POLD1: variants seen among roughly 807,000 people sequenced by gnomAD.
POLD1 encodes the protein DNA polymerase delta catalytic subunit.
In POLD1, 79 loss-of-function variants were observed where a neutral mutation model predicts 129.7. The ratio of observed to expected loss-of-function variants is 0.61; its 90% CI spans 0.51 to 0.73. The LOEUF is 0.73. Ranked by LOEUF, POLD1 falls within the 30% of genes least tolerant of loss-of-function variation. The pLI is 0.00. For synonymous variants in POLD1, 714 were observed against 683.3 expected (o/e 1.04, Z -0.70); for missense variants, 1,338 against 1,595.8 (o/e 0.84, Z 2.75).
In POLD1 at chr19:50,414,729, C is replaced by T. The variant is rs908646705; in HGVS notation, c.2389-86C>T. 1.1e-5 allele frequency: 13 copies of T among 1,145,432 alleles called. No homozygotes were observed. In the African/African-American group the frequency reaches 2.1e-4, roughly 18 times the overall value. 71.0% of individuals were successfully genotyped at this position (1,145,432 alleles called of 1,614,324 possible). ...ATGTCCTCAAACTGCGTCTGGGACC[C>T]TGTCTACCTTCAGTTTCTGGGGGGC... On this transcript the variant is annotated intron_variant, in intron 19 of 26. Coordinates refer to ENST00000440232, the MANE Select transcript of POLD1 (RefSeq NM_002691.4).
chr19:50,385,746 C>T (rs1372751455), intron 1 of POLD1, among the ~76,000 whole-genome samples: 1 of 151,972 alleles, frequency 6.6e-6, no homozygotes, highest in African/African-American at 2.4e-5. Context: ...CCAGGCTGGT[C>T]TCGAACTCCT....
In POLD1 at chr19:50,406,407, G is replaced by A. The variant is rs759504885; in HGVS notation, c.1384G>A (p.Val462Met). ...VGRVQMDMLQVLLREYKLRSY... is the reference protein window; with the variant it reads ...VGRVQMDMLQMLLREYKLRSY... Reference sequence around the variant, plus strand: ...CCCACCAGCCCACCCACCCACCTAGGTGCTGCTGCGGGAGTACAAGCTCCG... The same window carrying A: ...CCCACCAGCCCACCCACCCACCTAGATGCTGCTGCGGGAGTACAAGCTCCG... Residue 462 changes from valine to methionine, a missense_variant and splice_region_variant, in exon 12 of 27, where the codon GTG becomes ATG. By Grantham distance (21) the Val-to-Met change is conservative. Coordinates refer to ENST00000440232, the MANE Select transcript of POLD1 (RefSeq NM_002691.4). This position sits in a 1 kb window ranked among gnomAD's most constrained non-coding sequence, Gnocchi z 5.5. The A allele has an allele frequency of 1.9e-6, 3 of 1,604,510 alleles. No homozygotes were observed. The highest frequency in any genetic ancestry group is 1.7e-6 in the Non-Finnish European group (2 of 1,175,354).
At chr19:50,401,391 A>ATATATATATTTTTTT (rs1334231607) in intron 3 of POLD1, among the ~76,000 whole-genome samples, 2 of 65,990 alleles carry the variant, frequency 3.0e-5, no homozygotes, top group African/African-American at 6.9e-5. Flanking sequence ...ATATATATAT[A>ATATATATATTTTTTT]TTTTTTTTTT....
At chr19:50,385,153 A>G (rs2037927030) in intron 1 of POLD1, among the ~76,000 whole-genome samples, 1 of 152,112 alleles carries the variant, frequency 6.6e-6, no homozygotes, top group African/African-American at 2.4e-5. Context: ...TGTTTTGAAA[A>G]ACTCACCACT....
intron 14 of POLD1, chr19:50,408,571 T>G: frequency 1.5e-6 from 1 of 679,686 alleles, no homozygotes; most frequent in Non-Finnish European, 2.4e-6. Flanking sequence ...TTTGTAGAGA[T>G]AGGGTTTTGC....
In POLD1 at chr19:50,409,088, T is replaced by G. The variant is rs1601226176; in HGVS notation, c.1893-34T>G. ...GCAGAGGTGGGCTGGAGCAGGAGGG[T>G]GGCCGGCAGTCACCCCAACATCTTC... is the stretch of plus-strand genomic sequence containing the variant. On this transcript the variant is annotated intron_variant, in intron 15 of 26. Transcript: ENST00000440232. The surrounding 1 kb of genome is among the most constrained non-coding windows in gnomAD (Gnocchi z 5.8). The G allele has an allele frequency of 6.7e-7, 1 of 1,497,630 alleles. No individual in the cohort carries two copies. The highest frequency in any genetic ancestry group is 1.4e-5 in the African/African-American group (1 of 72,688). The allele number at this position is 1,497,630 out of a possible 1,614,324, so 92.8% of individuals were successfully genotyped here.
At chr19:50,415,031 C>T in intron 20 of POLD1, 41 bp downstream of exon 20, 1 of 1,456,548 alleles carries the variant, frequency 6.9e-7, no homozygotes, top group Non-Finnish European at 9.1e-7. Context: ...GGGCTGGGCC[C>T]CAAACCCCTC....
chr19:50,395,062 C>T (rs2038300794), intron 1 of POLD1: 1 of 148,474 alleles, frequency 6.7e-6, no homozygotes, highest in South Asian at 2.1e-4. Flanking sequence ...AGGCTGGTCT[C>T]AAACAACTGA....
intron 10 of POLD1, among the ~76,000 whole-genome samples, chr19:50,403,929 G>T (rs2038767063): frequency 6.6e-6 from 1 of 152,154 alleles, no homozygotes; most frequent in African/African-American, 2.4e-5. Context: ...ATAAGGAAAA[G>T]AATCATAATG....
intron 1 of POLD1, 129 bp from the exon 2 acceptor site, chr19:50,398,722 G>A: frequency 2.8e-6 from 4 of 1,432,486 alleles, no homozygotes; most frequent in Non-Finnish European, 2.8e-6. Context: ...GGTGCAGAGA[G>A]CTATGTTAGT....
intron 1 of POLD1, among the ~76,000 whole-genome samples, chr19:50,392,132 G>A (rs909722878): frequency 2.0e-5 from 3 of 152,126 alleles, no homozygotes; most frequent in Non-Finnish European, 4.4e-5. Context: ...TTGCAGTGGT[G>A]CAGTCATGGC....
chr19:50,408,984 C>A, intron 15 of POLD1, 83 bp downstream of exon 15: 1 of 1,436,540 alleles, frequency 7.0e-7, no homozygotes, highest in Non-Finnish European at 9.7e-7. Flanking sequence ...GGGGCATAGG[C>A]ACAGGCCCAG....
intron 1 of POLD1, among the ~76,000 whole-genome samples, chr19:50,390,201 G>T (rs888746259): frequency 1.3e-5 from 2 of 151,458 alleles, no homozygotes; most frequent in African/African-American, 4.9e-5. Context: ...GAGCCACTGC[G>T]CCTGGCCAAT....
At chr19:50,396,486 T>C (rs1320980162) in intron 1 of POLD1, among the ~76,000 whole-genome samples, 2 of 149,408 alleles carry the variant, frequency 1.3e-5, no homozygotes, top group African/African-American at 2.5e-5. Context: ...AATATATATA[T>C]ATATTTTTTG....
At chr19:50,404,520 C>T (rs1033525751) in intron 10 of POLD1, among the ~76,000 whole-genome samples, 1 of 149,332 alleles carries the variant, frequency 6.7e-6, no homozygotes, top group Admixed American at 6.6e-5. Flanking sequence ...CCTCGGCCTC[C>T]CAAAGTGTTG....
At chr19:50,397,025 G>A (rs1046046494) in intron 1 of POLD1, among the ~76,000 whole-genome samples, 2 of 148,152 alleles carry the variant, frequency 1.3e-5, no homozygotes, top group Non-Finnish European at 3.0e-5. Context: ...AATCTGGGAG[G>A]CGGAGGTTGC....
intron 10 of POLD1, among the ~76,000 whole-genome samples, chr19:50,404,576 T>TTC (rs1568624468): frequency 9.0e-6 from 1 of 111,616 alleles, no homozygotes; most frequent in African/African-American, 4.4e-5. Flanking sequence ...TTCTCTTTCT[T>TTC]TTTTTTTTTT....
chr19:50,397,973 C>A (rs1423197693), intron 1 of POLD1, among the ~76,000 whole-genome samples: 1 of 152,072 alleles, frequency 6.6e-6, no homozygotes, highest in Non-Finnish European at 1.5e-5. Context: ...TACGTGCTAA[C>A]ATGTGGAGGG....
intron 10 of POLD1, among the ~76,000 whole-genome samples, chr19:50,404,259 C>A (rs1306080012): frequency 6.6e-6 from 1 of 151,302 alleles, no homozygotes; most frequent in African/African-American, 2.5e-5. Context: ...TTCCACATGT[C>A]CTCCCTTTTT....
Sources: gnomAD v4.1 joint callset for allele counts (sites outside exome capture counted in the v4.1 genomes callset) on GRCh38, gnomAD v4.1.1 for gene constraint, Gnocchi (gnomAD v3.1) non-coding constraint, MANE v1.5 for transcripts, NCBI Gene and HGNC (gene_info 2026-07-23, HGNC 2026-07-21) for gene names.